The following PPP2R2C variants were observed in gnomAD, a reference collection of about 807,000 sequenced individuals.
PPP2R2C encodes the protein protein phosphatase 2, regulatory subunit B, gamma.
Under a neutral mutation model 45.3 loss-of-function variants are expected in PPP2R2C, and 10 were observed. The ratio of observed to expected loss-of-function variants is 0.22; its 90% CI spans 0.14 to 0.37. The LOEUF (loss-of-function observed/expected upper bound fraction) is 0.37. PPP2R2C is among the 10% of genes least tolerant of loss of function. PPP2R2C has a pLI of 1.00. For synonymous variants in PPP2R2C, 257 were observed against 245.4 expected (o/e 1.05, Z -0.44); for missense variants, 308 against 619.7 (o/e 0.50, Z 5.34).
chr4:6,538,841 C>T (rs1422145541), intron 1 of PPP2R2C, among the ~76,000 whole-genome samples: 1 of 152,224 alleles, frequency 6.6e-6, no homozygotes, highest in Non-Finnish European at 1.5e-5. Context: ...GCTTGAGCTA[C>T]TCGTGGGCGG....
Position 6,471,013 on chromosome 4 carries a change from G to A in PPP2R2C, c.70+1147C>T, listed in dbSNP as rs2108769580. Among the ~76,000 whole-genome samples, 1 of 152,066 alleles carries A rather than the reference G, an allele frequency of 6.6e-6. No individual in the cohort carries two copies. The highest frequency in any genetic ancestry group is 2.4e-5 in the African/African-American group (1 of 41,528). ...CCTCCGCGGGGCTCCGGCTCCGCTC[G>A]GCCTCATTTCCGGCAGAGCCAGGCT... On this transcript the variant is annotated intron_variant, in intron 1 of 8. Transcript: ENST00000382599. This position sits in a 1 kb window ranked among gnomAD's most constrained non-coding sequence, Gnocchi z 5.6.
intron 1 of PPP2R2C, among the ~76,000 whole-genome samples, chr4:6,537,342 T>C (rs987621031): frequency 6.6e-6 from 1 of 152,172 alleles, no homozygotes; most frequent in Non-Finnish European, 1.5e-5. Context: ...ACATGGGGAA[T>C]GGCTCTGGGG....
intron 6 of PPP2R2C, among the ~76,000 whole-genome samples, chr4:6,344,776 T>C (rs1711677946): frequency 6.6e-6 from 1 of 152,266 alleles, no homozygotes; most frequent in South Asian, 2.1e-4. Flanking sequence ...AGCCTTATTT[T>C]GTTATCCCCT....
chr4:6,452,434 C>T (rs964752342), intron 1 of PPP2R2C, among the ~76,000 whole-genome samples: 1 of 152,204 alleles, frequency 6.6e-6, no homozygotes, highest in African/African-American at 2.4e-5. Context: ...CCTGGACCCT[C>T]ACACCTGTGT....
intron 1 of PPP2R2C, 106 bp downstream of exon 1, chr4:6,472,054 G>T: frequency 7.2e-7 from 1 of 1,380,696 alleles, no homozygotes; most frequent in Non-Finnish European, 1.0e-6. Flanking sequence ...GTGGGGCGGG[G>T]GGACACGACA....
intron 1 of PPP2R2C, among the ~76,000 whole-genome samples, chr4:6,546,513 C>CG (rs1724989907): frequency 6.6e-6 from 1 of 152,198 alleles, no homozygotes; most frequent in Non-Finnish European, 1.5e-5. Context: ...TGTGCAATGA[C>CG]TAGCCCAGGG....
At chr4:6,363,122 A>C (rs4234736) in intron 5 of PPP2R2C, among the ~76,000 whole-genome samples, 144,727 of 152,234 alleles carry the variant, frequency 0.95, 68,973 homozygotes, top group East Asian at 1. Flanking sequence ...CCATGGACAG[A>C]GCCATGGCAC....
chr4:6,535,385 C>T (rs1724571757), intron 1 of PPP2R2C: 1 of 1,487,992 alleles, frequency 6.7e-7, no homozygotes, highest in Non-Finnish European at 9.0e-7. Flanking sequence ...CTTCTATAAT[C>T]AGAAAAAAAA....
intron 1 of PPP2R2C, among the ~76,000 whole-genome samples, chr4:6,392,606 C>A (rs1338655315): frequency 6.6e-6 from 1 of 152,102 alleles, no homozygotes. Context: ...TGCAGGCCAG[C>A]AAGGAGGCCA....
chr4:6,374,555 G>A (rs1003137011), intron 4 of PPP2R2C, among the ~76,000 whole-genome samples: 6 of 152,224 alleles, frequency 3.9e-5, no homozygotes, highest in African/African-American at 1.2e-4. Context: ...GCGCAGAAAG[G>A]CTTTACAGAG....
chr4:6,480,574 A>G (rs998599847), intron 2 of PPP2R2C, among the ~76,000 whole-genome samples: 4 of 152,156 alleles, frequency 2.6e-5, no homozygotes, highest in African/African-American at 9.7e-5. Flanking sequence ...CCCACATAAT[A>G]TTTAGGTTGT....
intron 1 of PPP2R2C, among the ~76,000 whole-genome samples, chr4:6,418,694 A>G (rs951750031): frequency 5.9e-5 from 9 of 152,218 alleles, no homozygotes; most frequent in Non-Finnish European, 1.2e-4. Context: ...CTGTGCTCCC[A>G]AAGGGACAAT....
chr4:6,455,857 A>G (rs1720996962), intron 1 of PPP2R2C, among the ~76,000 whole-genome samples: 2 of 152,026 alleles, frequency 1.3e-5, no homozygotes, highest in East Asian at 1.9e-4. Flanking sequence ...ACTGCTGTGG[A>G]CCACCAACCA....
rs923235821 is a variant in PPP2R2C at position 6,345,946 on chromosome 4, G to T, written c.790+1900C>A. On this transcript the variant is annotated intron_variant, in intron 6 of 8. Transcript: ENST00000382599. The surrounding 1 kb of genome is among the most constrained non-coding windows in gnomAD (Gnocchi z 5.3). ...GACCCATTTCCTTGGAACCCAATAC[G>T]GGCCTCAGGCTCGCGGGTCTGAAAC... Among the ~76,000 whole-genome samples the T allele has an allele frequency of 6.6e-6, 1 of 152,054 alleles. No homozygotes were observed. Among genetic ancestry groups the T allele is most frequent in the Non-Finnish European group, 1.5e-5 (1 of 68,014 alleles).
intron 1 of PPP2R2C, among the ~76,000 whole-genome samples, chr4:6,433,759 C>T (rs4689444): frequency 0.98 from 149,239 of 152,328 alleles, 73,171 homozygotes; most frequent in Middle Eastern, 1. Flanking sequence ...ACTTATGAAA[C>T]AGGCACCATT....
At position 6,378,565 on chromosome 4, in the gene PPP2R2C, T is replaced by C; in HGVS notation, c.176A>G (p.Asn59Ser). The change falls in exon 3 of 9, where the codon AAT becomes AGT. Residue 59 changes from asparagine to serine, a missense_variant. Coordinates refer to ENST00000382599, the MANE Select transcript of PPP2R2C (RefSeq NM_020416.4). This position sits in a 1 kb window ranked among gnomAD's most constrained non-coding sequence, Gnocchi z 5.2. The stretch of plus-strand genomic sequence containing the variant: ...GTATTCGCCCTGGCTGTGGGGCGCA[T>C]TTTTACTCTGCAGGGAAACCCGGAG... The part of the protein sequence containing the change: ...VIFQREPESK[N>S]APHSQGEYDV... The C allele has an allele frequency of 6.2e-7, 1 of 1,613,332 alleles. No homozygotes were observed. The highest frequency in any genetic ancestry group is 8.5e-7 in the Non-Finnish European group (1 of 1,179,556).
rs1724761623 is a variant in PPP2R2C at position 6,540,093 on chromosome 4, T to C, written c.-58-4716A>G. Among the ~76,000 whole-genome samples the C allele has an allele frequency of 2.0e-5, 3 of 152,242 alleles. No individual in the cohort carries two copies. In the South Asian group the frequency reaches 6.2e-4, roughly 31 times the overall value. ...GAGGCATAAGCCATATACCACACAC[T>C]TTACTTTTATAAAGTGTACAATTCA... On this transcript the variant is annotated intron_variant, in intron 1 of 9. Coordinates refer to the PPP2R2C transcript ENST00000506140.
intron 8 of PPP2R2C, among the ~76,000 whole-genome samples, chr4:6,323,805 T>C (rs1351508848): frequency 6.6e-6 from 1 of 151,228 alleles, no homozygotes; most frequent in Non-Finnish European, 1.5e-5. Context: ...TAGTCCCAGC[T>C]ATTCAGGAGG....
At chr4:6,548,641 C>G (rs868201935) in intron 1 of PPP2R2C, among the ~76,000 whole-genome samples, 2 of 152,230 alleles carry the variant, frequency 1.3e-5, no homozygotes, top group Non-Finnish European at 2.9e-5. Context: ...CTGACCCTCT[C>G]AGCCAACCGA....
Sources: allele counts gnomAD v4.1 joint callset (sites outside exome capture counted in the v4.1 genomes callset), GRCh38; gene constraint gnomAD v4.1.1; non-coding constraint Gnocchi (gnomAD v3.1); transcripts MANE v1.5; gene names NCBI Gene and HGNC (gene_info 2026-07-23, HGNC 2026-07-21).